BBX: variants seen among roughly 807,000 people sequenced by gnomAD.
BBX encodes the protein BBX high mobility group box domain containing.
Under a neutral mutation model 100.2 loss-of-function variants are expected in BBX, and 30 were observed. The observed-to-expected ratio is 0.30, with a 90% confidence interval of 0.22 to 0.41. The LOEUF is 0.41. BBX is among the 10% of genes least tolerant of loss of function. The probability of loss-of-function intolerance (pLI) is 1.00; values close to 1 mark genes in which losing one functional copy is unlikely to be tolerated. For synonymous variants in BBX, 376 were observed against 388.1 expected (o/e 0.97, Z 0.37); for missense variants, 1,023 against 1,129.8 (o/e 0.91, Z 1.35).
intron 3 of BBX, among the ~76,000 whole-genome samples, chr3:107,705,296 G>A (rs1054207419): frequency 1.3e-5 from 2 of 152,104 alleles, no homozygotes; most frequent in African/African-American, 4.8e-5. Flanking sequence ...GTTTCACTGG[G>A]CGTGAATTTT....
At chr3:107,797,955 C>A (rs72943044) in intron 15 of BBX, among the ~76,000 whole-genome samples, 3 of 152,146 alleles carry the variant, frequency 2.0e-5, no homozygotes, top group Non-Finnish European at 4.4e-5. Flanking sequence ...CTTTCCTTGG[C>A]GTGCTGGCTT....
At chr3:107,650,018 T>G (rs2107803269) in intron 3 of BBX, among the ~76,000 whole-genome samples, 1 of 152,336 alleles carries the variant, frequency 6.6e-6, no homozygotes, top group Admixed American at 6.5e-5. Flanking sequence ...ATGGTGCTAC[T>G]GAAATTTTTT....
At chr3:107,724,495 T>C (rs1184639263) in intron 5 of BBX, among the ~76,000 whole-genome samples, 2 of 152,214 alleles carry the variant, frequency 1.3e-5, no homozygotes, top group African/African-American at 4.8e-5. Context: ...GCCTATGTCC[T>C]GAATGCTATT....
intron 15 of BBX, among the ~76,000 whole-genome samples, chr3:107,794,213 A>AT (rs1424781180): frequency 2.0e-5 from 3 of 152,142 alleles, no homozygotes; most frequent in African/African-American, 4.8e-5. Context: ...ATATGTATAT[A>AT]TTTTTTTCAA....
intron 7 of BBX, among the ~76,000 whole-genome samples, chr3:107,740,072 T>G (rs2063952166): frequency 6.6e-6 from 1 of 151,920 alleles, no homozygotes; most frequent in South Asian, 2.1e-4. Flanking sequence ...CGACATGTAT[T>G]CTGCTTGTGG....
intron 1 of BBX, chr3:107,524,629 G>C (rs953739476): frequency 1.0e-5 from 1 of 98,610 alleles, no homozygotes; most frequent in Non-Finnish European, 2.0e-5. Flanking sequence ...GGGGGGGGGA[G>C]AGGGAGAGAC....
At chr3:107,789,397 A>T (rs931033764) in intron 13 of BBX, among the ~76,000 whole-genome samples, 1 of 152,182 alleles carries the variant, frequency 6.6e-6, no homozygotes, top group African/African-American at 2.4e-5. Context: ...AAGCAGTTTC[A>T]TTGGAGAGAT....
intron 2 of BBX, among the ~76,000 whole-genome samples, chr3:107,565,784 T>TG (rs1333431552): frequency 6.6e-6 from 1 of 151,858 alleles, no homozygotes; most frequent in African/African-American, 2.4e-5. Flanking sequence ...TTTATTTTTT[T>TG]GAATGTGTAT....
chr3:107,727,678 T>C (rs1259135722), intron 5 of BBX, among the ~76,000 whole-genome samples: 1 of 152,160 alleles, frequency 6.6e-6, no homozygotes, highest in East Asian at 1.9e-4. Flanking sequence ...TTCATTTATA[T>C]GATTTAAAGG....
chr3:107,802,839 T>A (rs2070661098), intron 17 of BBX, among the ~76,000 whole-genome samples: 1 of 152,182 alleles, frequency 6.6e-6, no homozygotes, highest in African/African-American at 2.4e-5. Flanking sequence ...GCCAAGCTCT[T>A]GCCTTGTACA....
Position 107,637,744 on chromosome 3 carries a change from C to T in BBX, c.-83-8092C>T, listed in dbSNP as rs1377297312. On this transcript the variant is annotated intron_variant, in intron 2 of 17. Transcript: ENST00000325805. ...GATGTTGTCACAGCTCTATCATAAA[C>T]CAGCTGATGGCCTTTTGTGTAGTCA... Among the ~76,000 whole-genome samples, 5 of 152,186 alleles carry T rather than the reference C, an allele frequency of 3.3e-5. No individual in the cohort carries two copies. In the East Asian group the frequency reaches 9.6e-4, roughly 29 times the overall value.
At chr3:107,566,307 T>C (rs928348622) in intron 2 of BBX, among the ~76,000 whole-genome samples, 2 of 152,024 alleles carry the variant, frequency 1.3e-5, no homozygotes, top group African/African-American at 2.4e-5. Flanking sequence ...ATTTCTGAGA[T>C]TAAACTCAAC....
At chr3:107,718,964 T>C (rs530485028) in intron 5 of BBX, among the ~76,000 whole-genome samples, 1 of 152,222 alleles carries the variant, frequency 6.6e-6, no homozygotes, top group Admixed American at 6.6e-5. Context: ...TGATTCCTAC[T>C]TGTTTCATCT....
At chr3:107,560,706 A>G (rs766027958) in intron 2 of BBX, among the ~76,000 whole-genome samples, 1 of 152,214 alleles carries the variant, frequency 6.6e-6, no homozygotes. Flanking sequence ...TCTGGAATTC[A>G]TATTTGGCCA....
At chr3:107,617,257 C>T (rs973874720) in intron 2 of BBX, among the ~76,000 whole-genome samples, 3 of 152,108 alleles carry the variant, frequency 2.0e-5, no homozygotes, top group Admixed American at 2.0e-4. Context: ...TGTGTCTGAT[C>T]GTCCACTGAT....
intron 10 of BBX, among the ~76,000 whole-genome samples, chr3:107,762,417 A>G (rs1186032788): frequency 1.3e-5 from 2 of 152,272 alleles, no homozygotes; most frequent in Non-Finnish European, 2.9e-5. Context: ...GTGACCAGTT[A>G]TCTCTTATGA....
At chr3:107,594,040 G>A (rs1307118224) in intron 2 of BBX, among the ~76,000 whole-genome samples, 2 of 152,136 alleles carry the variant, frequency 1.3e-5, no homozygotes, top group East Asian at 1.9e-4. Context: ...AATGAAGGGA[G>A]ATTAAAATGA....
Position 107,774,754 on chromosome 3 carries a change from C to T in BBX, c.1951C>T (p.His651Tyr), listed in dbSNP as rs781345749. Residue 651 changes from histidine to tyrosine, a missense_variant, in exon 12 of 18, where the codon CAT becomes TAT. Around this residue, in one of 9 missense-constraint regions of BBX, gnomAD observed 215 missense variants for 211.3 expected, o/e 1.02. Coordinates refer to ENST00000325805, the MANE Select transcript of BBX (RefSeq NM_001142568.3). ...RSSGKGNSSD[H>Y]EGCWNEESWT... ...CTCAGGAAAAGGAAACTCCTCTGAT[C>T]ATGAAGGGTGTTGGAATGAAGAAAG... is the stretch of plus-strand genomic sequence containing the variant. 6.2e-7 allele frequency: 1 copy of T among 1,613,472 alleles called. No homozygotes were observed. The highest frequency in any genetic ancestry group is 1.1e-5 in the South Asian group (1 of 91,046).
chr3:107,738,229 TTA>T (rs1198705965), intron 7 of BBX, among the ~76,000 whole-genome samples: 1 of 152,048 alleles, frequency 6.6e-6, no homozygotes, highest in African/African-American at 2.4e-5. Context: ...CTGATTATAT[TTA>T]GTTTTATAAT....
Sources: allele counts gnomAD v4.1 joint callset (sites outside exome capture counted in the v4.1 genomes callset), GRCh38; gene constraint gnomAD v4.1.1; regional missense constraint gnomAD v4.1.1; transcripts MANE v1.5; gene names NCBI Gene and HGNC (gene_info 2026-07-23, HGNC 2026-07-21).